Variants in GABRA3 observed in about 807,000 individuals in gnomAD.
GABRA3 encodes the protein gamma-aminobutyric acid receptor subunit alpha-3.
A neutral mutation model predicts 30.1 loss-of-function variants in GABRA3; 10 were observed. That is an observed-to-expected ratio of 0.33 (90% CI 0.20 to 0.56). The LOEUF is 0.56. Among genes scored for constraint, GABRA3 ranks in the 20% least tolerant of loss-of-function variants. GABRA3 has a pLI of 0.89. For synonymous variants in GABRA3, 151 were observed against 146.8 expected (o/e 1.03, Z -0.21); for missense variants, 233 against 392.0 (o/e 0.59, Z 3.42).
chrX:152,196,972 C>T (rs961576778), intron 8 of GABRA3, among the ~76,000 whole-genome samples: 2 of 112,339 alleles, frequency 1.8e-5, no homozygotes, highest in Admixed American at 9.4e-5. Flanking sequence ...TCAAAGGTAT[C>T]ATTGCCATGG....
At chrX:152,215,588 A>C (rs773249136) in intron 6 of GABRA3, among the ~76,000 whole-genome samples, 1 of 111,446 alleles carries the variant, frequency 9.0e-6, no homozygotes, top group Non-Finnish European at 1.9e-5. Context: ...CACTATAAAA[A>C]ATGGAATCAA....
intron 5 of GABRA3, among the ~76,000 whole-genome samples, chrX:152,254,604 T>C (rs907256795): frequency 1.8e-5 from 2 of 111,211 alleles, no homozygotes; most frequent in Non-Finnish European, 3.8e-5. Context: ...TCATCCAACT[T>C]CTCTCTGAAG....
intron 3 of GABRA3, among the ~76,000 whole-genome samples, chrX:152,327,785 A>C (rs926604187): frequency 8.9e-6 from 1 of 111,881 alleles, no homozygotes; most frequent in Non-Finnish European, 1.9e-5. Flanking sequence ...CATCACAATT[A>C]AAAGAACTAG....
At chrX:152,245,401 C>G (rs769594633) in intron 5 of GABRA3, among the ~76,000 whole-genome samples, 1 of 111,105 alleles carries the variant, frequency 9.0e-6, no homozygotes, top group African/African-American at 3.3e-5. Flanking sequence ...TATACTACCA[C>G]CAAACACCCA....
chrX:152,354,754 C>A (rs916363128), intron 2 of GABRA3, among the ~76,000 whole-genome samples: 1 of 111,467 alleles, frequency 9.0e-6, no homozygotes, highest in Admixed American at 9.6e-5. Flanking sequence ...TGCAGAGATT[C>A]AAACTGGTAG....
At chrX:152,402,460 T>C (rs1369765369) in intron 1 of GABRA3, among the ~76,000 whole-genome samples, 1 of 112,046 alleles carries the variant, frequency 8.9e-6, no homozygotes, top group African/African-American at 3.2e-5. Context: ...AACATTTCAC[T>C]TCCTCTACTG....
intron 1 of GABRA3, among the ~76,000 whole-genome samples, chrX:152,434,772 G>T (rs923619028): frequency 3.6e-5 from 4 of 111,624 alleles, no homozygotes; most frequent in Non-Finnish European, 7.5e-5. Context: ...CATAGCAATA[G>T]ACTTAGAAAG....
chrX:152,206,496 C>T (rs2124364591), intron 7 of GABRA3, among the ~76,000 whole-genome samples: 1 of 112,037 alleles, frequency 8.9e-6, no homozygotes, highest in Non-Finnish European at 1.9e-5. Flanking sequence ...TCTAAAGAGG[C>T]TGGCAGTACC....
At chrX:152,227,464 A>AGG (rs1937983605) in intron 5 of GABRA3, among the ~76,000 whole-genome samples, 17 of 106,482 alleles carry the variant, frequency 1.6e-4, no homozygotes, top group African/African-American at 4.8e-4. Flanking sequence ...GCACACGAGC[A>AGG]TGGCACATGT....
At chrX:152,241,849 C>T (rs941241368) in intron 5 of GABRA3, among the ~76,000 whole-genome samples, 4 of 111,927 alleles carry the variant, frequency 3.6e-5, no homozygotes, top group Non-Finnish European at 7.5e-5. Flanking sequence ...GGCAATGCCT[C>T]GCCCTGCTTG....
At chrX:152,372,408 C>A (rs925204830) in intron 1 of GABRA3, among the ~76,000 whole-genome samples, 7 of 111,851 alleles carry the variant, frequency 6.3e-5, no homozygotes, top group Admixed American at 4.8e-4. Flanking sequence ...TTTCCTCTGT[C>A]ATAAATGCTT....
At chrX:152,400,954 C>T (rs146422607) in intron 1 of GABRA3, among the ~76,000 whole-genome samples, 2 of 111,497 alleles carry the variant, frequency 1.8e-5, no homozygotes, top group East Asian at 5.7e-4. Context: ...TTAACAACCA[C>T]GTAAAACAGA....
At chrX:152,410,704 G>A (rs1298611546) in intron 1 of GABRA3, among the ~76,000 whole-genome samples, 2 of 110,612 alleles carry the variant, frequency 1.8e-5, no homozygotes. Context: ...CTGGGGAAGT[G>A]GGAAAATTTA....
Position 152,240,156 on chromosome X carries a change from C to T in GABRA3, c.552-15311G>A, listed in dbSNP as rs750533817. Among the ~76,000 whole-genome samples, 109 of 103,621 alleles carry T rather than the reference C, an allele frequency of 1.1e-3. 2 individuals carry two copies. The highest frequency in any genetic ancestry group is 4.8e-3 in the Middle Eastern group (1 of 210). The allele number at this position is 103,621 out of a possible 115,157, so 90.0% of individuals were successfully genotyped here. On this transcript the variant is annotated intron_variant, in intron 5 of 9. Transcript: ENST00000370314. ...ACCGGTTGTTCCTTTCCATGTTTAGCGCTTCCTTCAGGAGCACTTTTAGGG... is the reference window on the plus strand; with the variant it reads ...ACCGGTTGTTCCTTTCCATGTTTAGTGCTTCCTTCAGGAGCACTTTTAGGG...
intron 3 of GABRA3, among the ~76,000 whole-genome samples, chrX:152,312,987 A>G (rs1939821419): frequency 8.9e-6 from 1 of 111,923 alleles, no homozygotes; most frequent in Admixed American, 9.5e-5. Flanking sequence ...TAAACTTTAT[A>G]CAGTGCTGGT....
intron 5 of GABRA3, among the ~76,000 whole-genome samples, chrX:152,249,399 C>T (rs1022509002): frequency 6.5e-4 from 72 of 111,126 alleles, no homozygotes; most frequent in Middle Eastern, 4.6e-3. Flanking sequence ...AGATGTTTTA[C>T]GTAAAGTACC....
intron 2 of GABRA3, among the ~76,000 whole-genome samples, chrX:152,363,474 G>C (rs951606228): frequency 2.7e-5 from 3 of 111,535 alleles, no homozygotes; most frequent in African/African-American, 9.8e-5. Context: ...AAGACTAATT[G>C]AGGTGAGAGT....
chrX:152,382,235 T>C lies in GABRA3; in HGVS notation c.-26-17639A>G, dbSNP rs891522841. On this transcript the variant is annotated intron_variant, in intron 1 of 9. Transcript: ENST00000370314. ...AAATCAAAACCACAATGAGATACCA[T>C]CTCACACCAGTCAGAATGGCGATCA... Among the ~76,000 whole-genome samples, 5 of 112,151 alleles carry C rather than the reference T, an allele frequency of 4.5e-5. No individual in the cohort carries two copies. The Admixed American group carries it at 4.7e-4, about 11-fold the overall frequency.
intron 3 of GABRA3, among the ~76,000 whole-genome samples, chrX:152,308,174 C>T (rs1939747992): frequency 8.9e-6 from 1 of 112,732 alleles, no homozygotes; most frequent in African/African-American, 3.2e-5. Context: ...GGGCACTTCC[C>T]AGCAGCCATC....
Sources: gnomAD v4.1 joint callset for allele counts (sites outside exome capture counted in the v4.1 genomes callset) on GRCh38, gnomAD v4.1.1 for gene constraint, MANE v1.5 for transcripts, NCBI Gene and HGNC (gene_info 2026-07-23, HGNC 2026-07-21) for gene names.